Variants in TIAM1 observed in about 807,000 individuals in gnomAD.
TIAM1 encodes the protein rho guanine nucleotide exchange factor TIAM1.
TIAM1 carries 65 observed loss-of-function variants against 163.5 expected under a neutral mutation model. The observed-to-expected ratio is 0.40, with a 90% CI of 0.33 to 0.49. The LOEUF is 0.49. Among genes scored for constraint, TIAM1 ranks in the 20% least tolerant of loss-of-function variants. The pLI, the probability that TIAM1 is intolerant of heterozygous loss-of-function variation, is 0.77. For synonymous variants in TIAM1, 833 were observed against 810.1 expected, an observed-to-expected ratio of 1.03 and a Z score of -0.48; for missense variants, 1,789 against 2,044.7, an observed-to-expected ratio of 0.87 and a Z score of 2.41.
chr21:31,396,940 C>T (rs1321325483), intron 2 of TIAM1, among the ~76,000 whole-genome samples: 1 of 151,976 alleles, frequency 6.6e-6, no homozygotes, highest in African/African-American at 2.4e-5. Flanking sequence ...CAGAGTGAGA[C>T]TCCGTCACAC....
intron 6 of TIAM1, among the ~76,000 whole-genome samples, chr21:31,234,316 G>A (rs1018481276): frequency 4.9e-5 from 7 of 143,726 alleles, no homozygotes; most frequent in African/African-American, 1.8e-4. Flanking sequence ...AAGAGAGCAG[G>A]AGAGGGGAAG....
At position 31,471,540 on chromosome 21, in the gene TIAM1, A is replaced by T. The variant is rs1282319384; in HGVS notation, c.-421-7505T>A. Among the ~76,000 whole-genome samples the T allele has an allele frequency of 2.0e-5, 3 of 152,120 alleles. No homozygotes were observed. The South Asian group carries it at 6.2e-4, about 32-fold the overall frequency. On this transcript the variant is annotated intron_variant, in intron 1 of 28. Transcript: ENST00000286827. ...AGCAGGTGACAAGGGAGGTTGATGG[A>T]ATCAACTTCCCAGTTCCACAGGGCC...
chr21:31,287,327 A>C (rs984152056), intron 2 of TIAM1, among the ~76,000 whole-genome samples: 1 of 152,334 alleles, frequency 6.6e-6, no homozygotes, highest in African/African-American at 2.4e-5. Context: ...ATGATCACAC[A>C]TTCAGTTCAA....
chr21:31,378,896 T>TA (rs1301425827), intron 2 of TIAM1, among the ~76,000 whole-genome samples: 1 of 152,248 alleles, frequency 6.6e-6, no homozygotes, highest in East Asian at 1.9e-4. Context: ...GTATTATAAG[T>TA]AATCTAGAGA....
At chr21:31,554,221 G>C (rs768328114) in intron 1 of TIAM1, among the ~76,000 whole-genome samples, 2 of 152,098 alleles carry the variant, frequency 1.3e-5, no homozygotes, top group Non-Finnish European at 2.9e-5. Flanking sequence ...TCTCCAATCA[G>C]TTTCTCCACC....
chr21:31,391,556 T>C (rs1378230695), intron 2 of TIAM1, among the ~76,000 whole-genome samples: 1 of 152,024 alleles, frequency 6.6e-6, no homozygotes, highest in East Asian at 1.9e-4. Flanking sequence ...ACCCAGGACG[T>C]GGAGGTTGCA....
At chr21:31,546,918 G>A (rs1381074894) in intron 1 of TIAM1, among the ~76,000 whole-genome samples, 1 of 150,734 alleles carries the variant, frequency 6.6e-6, no homozygotes, top group East Asian at 1.9e-4. Context: ...TGTTACTACT[G>A]TCTCAGCTGT....
chr21:31,544,184 G>A (rs1267554280), intron 1 of TIAM1, among the ~76,000 whole-genome samples: 1 of 151,406 alleles, frequency 6.6e-6, no homozygotes, highest in East Asian at 2.0e-4. Flanking sequence ...CTCCAGCCAG[G>A]GGGGCAGAGG....
intron 2 of TIAM1, among the ~76,000 whole-genome samples, chr21:31,441,899 T>TA (rs1569334903): frequency 1.1e-5 from 1 of 91,914 alleles, no homozygotes; most frequent in East Asian, 3.4e-4. Flanking sequence ...AAAAAAAAAA[T>TA]ACAAAAATTA....
intron 20 of TIAM1, among the ~76,000 whole-genome samples, chr21:31,144,921 T>G (rs1346464796): frequency 1.3e-5 from 2 of 151,948 alleles, no homozygotes; most frequent in African/African-American, 2.4e-5. Context: ...AATATAATAT[T>G]TTTCTTATTG....
At chr21:31,150,036 A>G (rs2146309122) in intron 19 of TIAM1, among the ~76,000 whole-genome samples, 1 of 152,352 alleles carries the variant, frequency 6.6e-6, no homozygotes, top group South Asian at 2.1e-4. Flanking sequence ...GGATACATAT[A>G]CACATAGGAG....
At position 31,120,319 on chromosome 21, in the gene TIAM1, T is replaced by A; in HGVS notation, c.*49A>T. The stretch of plus-strand genomic sequence containing the variant: ...CGACGGTACAGGAGGGTGGGCAGAG[T>A]TAGGGCAGGAAGTATCTACACACAT... On this transcript the variant is annotated 3_prime_UTR_variant, in exon 28 of 28. Coordinates refer to ENST00000541036, the MANE Select transcript of TIAM1 (RefSeq NM_001353694.2). This position sits in a 1 kb window ranked among gnomAD's most constrained non-coding sequence, Gnocchi z 4.2. 6.5e-7 allele frequency: 1 copy of A among 1,527,030 alleles called. No homozygotes were observed. The highest frequency in any genetic ancestry group is 8.9e-7 in the Non-Finnish European group (1 of 1,129,676). 94.6% of individuals were successfully genotyped at this position (1,527,030 alleles called of 1,614,324 possible). A position where few individuals can be genotyped will look rare whatever the true frequency, so the allele number is the denominator to read the frequency against.
Position 31,531,314 on chromosome 21 carries a change from G to A in TIAM1, c.-422+27613C>T, listed in dbSNP as rs565359813. On this transcript the variant is annotated intron_variant, in intron 1 of 28. Transcript: ENST00000286827. ...AGCTCCAACTGTAGGGTTGGCCCAG[G>A]TCCAAGGCAGGTCTATGCTGTGAGC... Among the ~76,000 whole-genome samples the A allele has an allele frequency of 2.6e-5, 4 of 152,298 alleles. No individual in the cohort carries two copies. In the South Asian group the frequency reaches 8.3e-4, roughly 32 times the overall value.
At chr21:31,155,186 T>C (rs1281578465) in intron 16 of TIAM1, among the ~76,000 whole-genome samples, 2 of 152,224 alleles carry the variant, frequency 1.3e-5, no homozygotes, top group Non-Finnish European at 2.9e-5. Flanking sequence ...ATTTGAAACG[T>C]AGGATTCCAG....
intron 1 of TIAM1, among the ~76,000 whole-genome samples, chr21:31,343,073 C>T (rs2076067368): frequency 6.6e-6 from 1 of 152,228 alleles, no homozygotes; most frequent in South Asian, 2.1e-4. Context: ...ACACATTTTT[C>T]ACCTTCATTT....
At chr21:31,306,548 G>C (rs1015977638) in intron 2 of TIAM1, among the ~76,000 whole-genome samples, 1 of 152,168 alleles carries the variant, frequency 6.6e-6, no homozygotes, top group African/African-American at 2.4e-5. Context: ...TCAGAAGTAG[G>C]ACAGGCCAAC....
chr21:31,422,856 C>T (rs1015906501), intron 2 of TIAM1, among the ~76,000 whole-genome samples: 3 of 152,110 alleles, frequency 2.0e-5, no homozygotes, highest in Non-Finnish European at 4.4e-5. Context: ...ATCATTGCTC[C>T]GTAAAGATTC....
chr21:31,330,588 G>A (rs989389749), intron 2 of TIAM1, among the ~76,000 whole-genome samples: 11 of 152,068 alleles, frequency 7.2e-5, no homozygotes, highest in Non-Finnish European at 1.5e-4. Context: ...ACAGGCATGC[G>A]CCACCACGCC....
At chr21:31,327,273 G>T (rs2075520614) in intron 2 of TIAM1, among the ~76,000 whole-genome samples, 1 of 152,160 alleles carries the variant, frequency 6.6e-6, no homozygotes, top group Non-Finnish European at 1.5e-5. Flanking sequence ...AGCCACGCTT[G>T]AACTCATTCT....
Sources: allele counts gnomAD v4.1 joint callset (sites outside exome capture counted in the v4.1 genomes callset), GRCh38; gene constraint gnomAD v4.1.1; non-coding constraint Gnocchi (gnomAD v3.1); transcripts MANE v1.5; gene names NCBI Gene and HGNC (gene_info 2026-07-23, HGNC 2026-07-21).